SIPA1L1: variants seen among roughly 807,000 people sequenced by gnomAD.
SIPA1L1 encodes signal-induced proliferation-associated 1-like protein 1.
Under a neutral mutation model 162.7 loss-of-function variants are expected in SIPA1L1, and 26 were observed. The observed-to-expected ratio is 0.16, with a 90% CI of 0.12 to 0.22. The LOEUF is 0.22. Among genes scored for constraint, SIPA1L1 ranks in the 10% least tolerant of loss-of-function variants. The pLI is 1.00. For missense variants in SIPA1L1, 1,874 were observed against 2,241.0 expected (o/e 0.84, Z 3.31); for synonymous variants, 829 against 837.4 (o/e 0.99, Z 0.17).
At chr14:71,522,368 CAG>C (rs1191740787) in intron 3 of SIPA1L1, among the ~76,000 whole-genome samples, 1 of 152,072 alleles carries the variant, frequency 6.6e-6, no homozygotes, top group Non-Finnish European at 1.5e-5. Context: ...TCATTTATAC[CAG>C]AGAGTTTCTC....
At chr14:71,494,150 C>T (rs2049521340) in intron 2 of SIPA1L1, among the ~76,000 whole-genome samples, 1 of 152,104 alleles carries the variant, frequency 6.6e-6, no homozygotes, top group Admixed American at 6.5e-5. Context: ...CAGTTAGAAT[C>T]TTCATTGGAT....
At chr14:71,735,945 G>A (rs1205318705) in intron 22 of SIPA1L1, among the ~76,000 whole-genome samples, 1 of 152,222 alleles carries the variant, frequency 6.6e-6, no homozygotes, top group Non-Finnish European at 1.5e-5. Context: ...TGCAGAGACC[G>A]ACTTTTCTGT....
chr14:71,432,455 G>T (rs1435592178), intron 2 of SIPA1L1, among the ~76,000 whole-genome samples: 1 of 152,142 alleles, frequency 6.6e-6, no homozygotes, highest in East Asian at 1.9e-4. Context: ...TAGAATGGGG[G>T]CCTAACAACC....
chr14:71,562,806 A>G (rs141275165), intron 4 of SIPA1L1, among the ~76,000 whole-genome samples: 1,920 of 152,230 alleles, frequency 0.013, 19 homozygotes, highest in Non-Finnish European at 0.022. Flanking sequence ...GGCACCTGCC[A>G]CCACACCCGG....
chr14:71,670,466 A>G (rs2044408013), intron 10 of SIPA1L1, among the ~76,000 whole-genome samples: 1 of 152,246 alleles, frequency 6.6e-6, no homozygotes, highest in Admixed American at 6.5e-5. Context: ...GTTTAAAAAT[A>G]TGATTTTAAA....
At chr14:71,370,109 CAG>C (rs2038738487) in intron 2 of SIPA1L1, among the ~76,000 whole-genome samples, 2 of 138,064 alleles carry the variant, frequency 1.4e-5, no homozygotes, top group Non-Finnish European at 3.1e-5. Context: ...CGTCTGCAAA[CAG>C]GGACAATTTG....
At chr14:71,718,783 A>G (rs1361657564) in intron 17 of SIPA1L1, among the ~76,000 whole-genome samples, 1 of 152,208 alleles carries the variant, frequency 6.6e-6, no homozygotes, top group Non-Finnish European at 1.5e-5. Context: ...TGTTGCTAAG[A>G]TTTATCCATG....
intron 12 of SIPA1L1, among the ~76,000 whole-genome samples, chr14:71,678,135 T>C (rs2045402329): frequency 6.6e-6 from 1 of 152,188 alleles, no homozygotes; most frequent in Non-Finnish European, 1.5e-5. Flanking sequence ...CCTTTATTTC[T>C]TTCTCCTGCC....
chr14:71,672,519 G>A lies in SIPA1L1; in HGVS notation c.3001G>A (p.Ala1001Thr). 2 of 1,614,134 alleles carry A rather than the reference G, an allele frequency of 1.2e-6. No homozygotes were observed. Among genetic ancestry groups the A allele is most frequent in the Non-Finnish European group, 1.7e-6 (2 of 1,179,992 alleles). The change falls in exon 12 of 24, where the codon GCG (alanine) becomes ACG (threonine). Residue 1001 changes from alanine to threonine, a missense_variant. Coordinates refer to ENST00000381232, the MANE Select transcript of SIPA1L1 (RefSeq NM_001386936.1). The part of the protein sequence containing the change: ...GSRLVEICKV[A>T]VATLSHEQMI... ...TCGCCTGGTGGAGATCTGCAAGGTG[G>A]CGGTAGCCACTCTGAGCCATGAGCA...
intron 7 of SIPA1L1, among the ~76,000 whole-genome samples, chr14:71,631,462 CAG>C (rs759774692): frequency 2.0e-4 from 30 of 151,726 alleles, no homozygotes; most frequent in Non-Finnish European, 4.0e-4. Context: ...CTCTTACAAA[CAG>C]TACTGCAATG....
intron 2 of SIPA1L1, among the ~76,000 whole-genome samples, chr14:71,479,367 A>ATGTG (rs1555433743): frequency 4.6e-5 from 7 of 151,440 alleles, no homozygotes; most frequent in Non-Finnish European, 7.4e-5. Flanking sequence ...GTATGTATGT[A>ATGTG]TGTATGTGTG....
intron 13 of SIPA1L1, among the ~76,000 whole-genome samples, chr14:71,692,511 A>G (rs1597021349): frequency 6.6e-6 from 1 of 152,234 alleles, no homozygotes; most frequent in Non-Finnish European, 1.5e-5. Flanking sequence ...CACTCCTTGC[A>G]GGAAACAGCG....
intron 2 of SIPA1L1, among the ~76,000 whole-genome samples, chr14:71,450,137 T>A (rs2045705213): frequency 6.6e-6 from 1 of 152,204 alleles, no homozygotes; most frequent in Admixed American, 6.5e-5. Context: ...ATAATTTTTC[T>A]ATTACGATTA....
At chr14:71,529,882 A>G (rs1785872641) in intron 4 of SIPA1L1, among the ~76,000 whole-genome samples, 1 of 152,152 alleles carries the variant, frequency 6.6e-6, no homozygotes, top group African/African-American at 2.4e-5. Flanking sequence ...AAGGCTTCTC[A>G]TGGTTAGGAC....
chr14:71,382,101 A>AT (rs1340470951), intron 2 of SIPA1L1, among the ~76,000 whole-genome samples: 1 of 152,164 alleles, frequency 6.6e-6, no homozygotes, highest in African/African-American at 2.4e-5. Context: ...CCAAGTTAAC[A>AT]TTTTTTTCTG....
At chr14:71,328,490 A>C (rs1027631982) in intron 2 of SIPA1L1, among the ~76,000 whole-genome samples, 2 of 152,232 alleles carry the variant, frequency 1.3e-5, no homozygotes, top group African/African-American at 4.8e-5. Flanking sequence ...AGTTGAAAAC[A>C]CAGTGGCTTT....
intron 2 of SIPA1L1, among the ~76,000 whole-genome samples, chr14:71,456,395 C>T (rs2046191772): frequency 6.6e-6 from 1 of 152,184 alleles, no homozygotes; most frequent in Non-Finnish European, 1.5e-5. Flanking sequence ...AAATACAACC[C>T]TATCAATTTT....
chr14:71,346,196 G>GCA, intron 2 of SIPA1L1, among the ~76,000 whole-genome samples: 1 of 152,202 alleles, frequency 6.6e-6, no homozygotes, highest in African/African-American at 2.4e-5. Flanking sequence ...GTGAGCCACC[G>GCA]CACCCAGTCA....
chr14:71,460,922 T>A (rs1305526458), intron 2 of SIPA1L1, among the ~76,000 whole-genome samples: 1 of 152,234 alleles, frequency 6.6e-6, no homozygotes, highest in East Asian at 1.9e-4. Flanking sequence ...CACCGTTCTA[T>A]CAATCCAGCT....
Sources: gnomAD v4.1 joint callset for allele counts (sites outside exome capture counted in the v4.1 genomes callset) on GRCh38, gnomAD v4.1.1 for gene constraint, MANE v1.5 for transcripts, NCBI Gene and HGNC (gene_info 2026-07-23, HGNC 2026-07-21) for gene names.